Variants in TP63 observed in about 807,000 individuals in gnomAD.
The protein encoded by TP63 is tumor protein p63.
TP63 carries 17 observed loss-of-function variants against 82.8 expected under a neutral mutation model. That is an observed-to-expected ratio of 0.21 (90% CI 0.14 to 0.31). The LOEUF is 0.31. Ranked by LOEUF, TP63 falls within the 10% of genes least tolerant of loss-of-function variation. TP63 has a pLI of 1.00. For synonymous variants in TP63, 330 were observed against 321.7 expected (o/e 1.03, Z -0.28); for missense variants, 648 against 895.3 (o/e 0.72, Z 3.52).
chr3:189,653,767 T>C (rs1380438976), intron 1 of TP63, among the ~76,000 whole-genome samples: 1 of 152,240 alleles, frequency 6.6e-6, no homozygotes, highest in African/African-American at 2.4e-5. Context: ...TCAGTCAGTA[T>C]TTAATTTTCT....
At chr3:189,631,342 C>T (rs1729444533), upstream of TP63, 8 of 1,448,738 alleles carry the variant, frequency 5.5e-6, no homozygotes, top group Middle Eastern at 4.6e-4. Flanking sequence ...TCAAGAAACG[C>T]TCCGCCTCTT....
At position 189,746,988 on chromosome 3, in the gene TP63, GA is replaced by G. The variant is rs564194351; in HGVS notation, c.324+8225del. The stretch of plus-strand genomic sequence containing the variant: ...CCGTCAGATAAAACAGATTTTAAGG[GA>G]AAAAAAAAAAGAAACAAAGGTCATT... On this transcript the variant is annotated intron_variant, in intron 3 of 13. Coordinates refer to ENST00000264731, the MANE Select transcript of TP63 (RefSeq NM_003722.5). Among the ~76,000 whole-genome samples the G allele has an allele frequency of 3.8e-3, 518 of 137,798 alleles. 2 individuals carry two copies. The highest frequency in any genetic ancestry group is 0.01 in the African/African-American group (384 of 37,742). 90.4% of individuals were successfully genotyped at this position (137,798 alleles called of 152,430 possible). A position where few individuals can be genotyped will look rare whatever the true frequency, so the allele number is the denominator to read the frequency against.
the TP63 span, among the ~76,000 whole-genome samples, chr3:189,599,126 A>G: frequency 2.6e-5 from 4 of 152,078 alleles, no homozygotes; most frequent in South Asian, 6.2e-4. Context: ...CATTATATTT[A>G]CCTCCTTAGA....
chr3:189,714,782 G>A (rs952399780), intron 1 of TP63, among the ~76,000 whole-genome samples: 16 of 152,200 alleles, frequency 1.1e-4, no homozygotes, highest in African/African-American at 1.2e-4. Flanking sequence ...GTCATTGAAC[G>A]TAAACACACA....
intron 4 of TP63, among the ~76,000 whole-genome samples, chr3:189,860,116 A>G (rs1260349200): frequency 6.6e-6 from 1 of 152,162 alleles, no homozygotes; most frequent in Admixed American, 6.5e-5. Context: ...CTTTGCGGAA[A>G]AGTATACCAC....
At chr3:189,868,285 C>T (rs1168130717) in intron 7 of TP63, among the ~76,000 whole-genome samples, 1 of 152,174 alleles carries the variant, frequency 6.6e-6, no homozygotes, top group East Asian at 1.9e-4. Flanking sequence ...ATCCTTGAGA[C>T]ATCCACTGGC....
intron 4 of TP63, among the ~76,000 whole-genome samples, chr3:189,847,472 G>A (rs938044960): frequency 3.3e-5 from 5 of 152,204 alleles, no homozygotes; most frequent in African/African-American, 7.2e-5. Flanking sequence ...GGGGGATCAT[G>A]TAAGTTGCCA....
At chr3:189,670,012 A>G (rs993312217) in intron 1 of TP63, among the ~76,000 whole-genome samples, 4 of 152,006 alleles carry the variant, frequency 2.6e-5, no homozygotes, top group Admixed American at 6.6e-5. Context: ...CAAATATACC[A>G]TATAAACTAT....
chr3:189,699,780 A>G (rs1717665861), intron 1 of TP63, among the ~76,000 whole-genome samples: 1 of 152,204 alleles, frequency 6.6e-6, no homozygotes, highest in South Asian at 2.1e-4. Context: ...TAGATAATTT[A>G]AATTTTTTGC....
intron 4 of TP63, among the ~76,000 whole-genome samples, chr3:189,859,745 A>G (rs2108784968): frequency 6.6e-6 from 1 of 152,328 alleles, no homozygotes. Flanking sequence ...AACGTTCATA[A>G]TAGTTTTATA....
At chr3:189,612,331 T>C in the TP63 span, among the ~76,000 whole-genome samples, 2 of 152,098 alleles carry the variant, frequency 1.3e-5, no homozygotes, top group East Asian at 1.9e-4. Flanking sequence ...ATTCTCATGA[T>C]AGTGAATAAG....
At chr3:189,806,486 G>A (rs74427828) in intron 3 of TP63, among the ~76,000 whole-genome samples, 3 of 152,142 alleles carry the variant, frequency 2.0e-5, no homozygotes, top group Admixed American at 6.5e-5. Context: ...ATCCCCTTCC[G>A]AGGCTGTTGC....
intron 4 of TP63, among the ~76,000 whole-genome samples, chr3:189,853,745 G>A (rs1715939948): frequency 6.6e-6 from 1 of 152,088 alleles, no homozygotes; most frequent in Non-Finnish European, 1.5e-5. Context: ...CATTTTTAGG[G>A]CATAGACTTT....
At chr3:189,823,463 C>A (rs539037420) in intron 4 of TP63, among the ~76,000 whole-genome samples, 1 of 152,274 alleles carries the variant, frequency 6.6e-6, no homozygotes, top group South Asian at 2.1e-4. Flanking sequence ...GGCATGCAGA[C>A]GCACACTGTG....
At chr3:189,735,621 C>G (rs184747645) in intron 1 of TP63, among the ~76,000 whole-genome samples, 1 of 152,264 alleles carries the variant, frequency 6.6e-6, no homozygotes, top group African/African-American at 2.4e-5. Flanking sequence ...CATCTCCATT[C>G]CCATTGATTT....
chr3:189,645,180 G>A (rs1230469251), intron 1 of TP63: 1 of 224,016 alleles, frequency 4.5e-6, no homozygotes, highest in East Asian at 8.2e-5. Context: ...AAACTTGAAG[G>A]GACTTCAATT....
intron 4 of TP63, among the ~76,000 whole-genome samples, chr3:189,840,876 A>C (rs1033706116): frequency 7.4e-5 from 11 of 148,804 alleles, no homozygotes; most frequent in African/African-American, 2.5e-4. Flanking sequence ...AAAAAAAAAA[A>C]AACAACTATT....
intron 1 of TP63, among the ~76,000 whole-genome samples, chr3:189,640,847 A>G (rs894191031): frequency 6.6e-6 from 1 of 152,188 alleles, no homozygotes; most frequent in Non-Finnish European, 1.5e-5. Flanking sequence ...CTTTTTTAAA[A>G]CAAGTCCAAG....
At chr3:189,829,967 A>G (rs748470781) in intron 4 of TP63, 7 of 331,868 alleles carry the variant, frequency 2.1e-5, no homozygotes, top group African/African-American at 1.4e-4. Context: ...CTTAAATTGT[A>G]TAAAGAGAAA....
Sources: allele counts gnomAD v4.1 joint callset (sites outside exome capture counted in the v4.1 genomes callset), GRCh38; gene constraint gnomAD v4.1.1; transcripts MANE v1.5; gene names NCBI Gene and HGNC (gene_info 2026-07-23, HGNC 2026-07-21).